ACAD11: variants seen among roughly 807,000 people sequenced by gnomAD.
The protein encoded by ACAD11 is acyl-Coenzyme A dehydrogenase family, member 11.
A neutral mutation model predicts 102.2 loss-of-function variants in ACAD11; 83 were observed. That is an observed-to-expected ratio of 0.81 (90% confidence interval 0.68 to 0.97). ACAD11 has a LOEUF of 0.97. ACAD11 is among the 50% of genes least tolerant of loss of function. The pLI, the probability that ACAD11 is intolerant of heterozygous loss-of-function variation, is 0.00. For missense variants in ACAD11, 901 were observed against 951.7 expected, an observed-to-expected ratio of 0.95 and a Z score of 0.70; for synonymous variants, 324 against 319.8, an observed-to-expected ratio of 1.01 and a Z score of -0.14.
At chr3:132,567,695 T>G (rs1052146465) in intron 17 of ACAD11, among the ~76,000 whole-genome samples, 1 of 152,114 alleles carries the variant, frequency 6.6e-6, no homozygotes, top group African/African-American at 2.4e-5. Context: ...TTAGAAGAAA[T>G]GTATATCAAA....
chr3:132,564,289 G>C (rs1192807785), intron 17 of ACAD11, among the ~76,000 whole-genome samples: 1 of 152,158 alleles, frequency 6.6e-6, no homozygotes, highest in Non-Finnish European at 1.5e-5. Flanking sequence ...AAAATGAGTT[G>C]ACAAGTGTTT....
Position 132,639,563 on chromosome 3 carries a change from C to T in ACAD11, c.631G>A (p.Asp211Asn), listed in dbSNP as rs147731697. The T allele has an allele frequency of 1.5e-5, 25 of 1,613,796 alleles. No homozygotes were observed. The East Asian group carries it at 2.7e-4, about 17-fold the overall frequency. Residue 211 changes from aspartate (D) to asparagine (N), a missense_variant, in exon 5 of 20, where the codon GAT (aspartate) becomes AAT (asparagine). Transcript: ENST00000264990. ...LSEWLMKNLP[D>N]NDNEENLIHG... is the part of the protein sequence containing the mutation. ...ATCAAATTCTCTTCATTGTCATTAT[C>T]GGGCAAGTTCTTCATTAGCCACTCC...
Position 132,619,523 on chromosome 3 carries a change from T to C in ACAD11, c.1220A>G (p.Gln407Arg). Residue 407 changes from glutamine to arginine, a missense_variant, in exon 10 of 20, where the codon CAA becomes CGA. By Grantham distance (43) the Gln-to-Arg change is conservative. Coordinates refer to ENST00000264990, the MANE Select transcript of ACAD11 (RefSeq NM_032169.5). ...CCACTTGTCCACTGAATTTTCATTTTGAACATAGAACTCAGTTACCTCCTT... is the reference window on the plus strand; with the variant it reads ...CCACTTGTCCACTGAATTTTCATTTCGAACATAGAACTCAGTTACCTCCTT... The part of the protein sequence containing the change: ...AEKEVTEFYV[Q>R]NENSVDKWGK... 6.3e-7 allele frequency: 1 copy of C among 1,591,990 alleles called. No individual in the cohort carries two copies. The highest frequency in any genetic ancestry group is 8.5e-7 in the Non-Finnish European group (1 of 1,170,958).
intron 1 of ACAD11, chr3:132,659,345 A>T: frequency 2.0e-6 from 1 of 490,258 alleles, no homozygotes. Flanking sequence ...AGGGACATAA[A>T]TCCATCCTTT....
chr3:132,654,780 T>C (rs1226786006), intron 1 of ACAD11: 1 of 152,220 alleles, frequency 6.6e-6, no homozygotes, highest in Admixed American at 6.5e-5. Context: ...GTGTGTTGGA[T>C]AGAGTTACAT....
intron 13 of ACAD11, among the ~76,000 whole-genome samples, chr3:132,594,146 A>G (rs1938200012): frequency 6.6e-6 from 1 of 152,204 alleles, no homozygotes; most frequent in Non-Finnish European, 1.5e-5. Context: ...CTCAATCCTG[A>G]GATCCCCTAT....
chr3:132,607,156 G>C (rs1023963173), intron 11 of ACAD11, among the ~76,000 whole-genome samples: 2 of 152,104 alleles, frequency 1.3e-5, no homozygotes, highest in East Asian at 3.9e-4. Context: ...AAAAATCCAC[G>C]AAGATGAGGA....
chr3:132,593,346 GAAT>G (rs1372251888), intron 13 of ACAD11, among the ~76,000 whole-genome samples: 1 of 151,922 alleles, frequency 6.6e-6, no homozygotes, highest in Non-Finnish European at 1.5e-5. Context: ...GAGGAAATAA[GAAT>G]AATAAAAGAG....
intron 13 of ACAD11, among the ~76,000 whole-genome samples, chr3:132,596,914 T>C (rs980745640): frequency 6.6e-6 from 1 of 152,232 alleles, no homozygotes; most frequent in African/African-American, 2.4e-5. Context: ...TCATATTTGC[T>C]TTCTTCCTTA....
chr3:132,612,219 T>C (rs1939185809), intron 11 of ACAD11, among the ~76,000 whole-genome samples: 1 of 151,954 alleles, frequency 6.6e-6, no homozygotes, highest in Non-Finnish European at 1.5e-5. Flanking sequence ...TATACAAAAA[T>C]TAATTCAAGA....
intron 7 of ACAD11, 39 bp downstream of exon 7, chr3:132,630,398 T>C (rs1413689027): frequency 8.8e-6 from 14 of 1,594,738 alleles, no homozygotes; most frequent in Non-Finnish European, 1.2e-5. Flanking sequence ...AGTACACTGG[T>C]AAATAATGGC....
At chr3:132,640,253 C>G (rs1422809505) in intron 4 of ACAD11, among the ~76,000 whole-genome samples, 3 of 152,020 alleles carry the variant, frequency 2.0e-5, no homozygotes, top group African/African-American at 7.3e-5. Flanking sequence ...CCACACCCAG[C>G]TAATTTTTGT....
chr3:132,630,512 C>A lies in ACAD11; in HGVS notation c.888G>T (p.Arg296Ser). The A allele has an allele frequency of 6.2e-7, 1 of 1,612,294 alleles. No homozygotes were observed. The highest frequency in any genetic ancestry group is 8.5e-7 in the Non-Finnish European group (1 of 1,178,982). ...EELISIYCRC[R>S]GINSILPNWN... ...AGTTAGGAAGAATAGAATTAATTCC[C>A]CTGCAGCGGCAATATATTGAAATCA... The change falls in exon 7 of 20, where the codon AGG (arginine) becomes AGT (serine). Residue 296 changes from arginine (R) to serine (S), a missense_variant. By Grantham distance (110) the Arg-to-Ser change is moderately radical. Coordinates refer to ENST00000264990, the MANE Select transcript of ACAD11 (RefSeq NM_032169.5).
chr3:132,618,809 T>A (rs1464781644), intron 10 of ACAD11, 37 bp from the exon 11 acceptor site: 1 of 1,493,272 alleles, frequency 6.7e-7, no homozygotes, highest in African/African-American at 1.4e-5. Context: ...TGACCATAAT[T>A]TACCAGGACT....
At chr3:132,633,571 G>A (rs1337691838) in intron 5 of ACAD11, among the ~76,000 whole-genome samples, 1 of 152,094 alleles carries the variant, frequency 6.6e-6, no homozygotes, top group Non-Finnish European at 1.5e-5. Flanking sequence ...TTTGGTATCA[G>A]GATGATGCTG....
At chr3:132,619,331 TATTA>T (rs1286736676) in intron 10 of ACAD11, 133 bp downstream of exon 10, 3 of 547,196 alleles carry the variant, frequency 5.5e-6, no homozygotes, top group Non-Finnish European at 9.4e-6. Flanking sequence ...AGATTCTATT[TATTA>T]ACTTTCTTTT....
intron 11 of ACAD11, 113 bp from the exon 12 acceptor site, chr3:132,605,318 C>T: frequency 1.7e-6 from 1 of 583,544 alleles, no homozygotes; most frequent in Admixed American, 3.2e-5. Flanking sequence ...TGTTTGCTAA[C>T]AAAAATATTT....
intron 9 of ACAD11, among the ~76,000 whole-genome samples, chr3:132,621,770 CTACCTGTCTTTACCAAATGA>C (rs146674107): frequency 0.4 from 61,193 of 151,838 alleles, 15,410 homozygotes; most frequent in East Asian, 0.71. Context: ...CTAGCCTGGC[CTACCTGTCTTTACCAAATGA>C]AACATAATGA....
intron 13 of ACAD11, among the ~76,000 whole-genome samples, chr3:132,589,142 C>T (rs972385113): frequency 6.6e-6 from 1 of 152,166 alleles, no homozygotes; most frequent in Non-Finnish European, 1.5e-5. Context: ...CACCAGGCAC[C>T]AACTCTATTG....
Sources: allele counts gnomAD v4.1 joint callset (sites outside exome capture counted in the v4.1 genomes callset), GRCh38; gene constraint gnomAD v4.1.1; transcripts MANE v1.5; gene names NCBI Gene and HGNC (gene_info 2026-07-23, HGNC 2026-07-21).